Variants in MGAT4C observed in about 807,000 individuals in gnomAD.
MGAT4C encodes the protein MGAT4 family member C.
MGAT4C carries 19 observed loss-of-function variants against 40.1 expected under a neutral mutation model. The observed-to-expected ratio is 0.47, with a 90% confidence interval of 0.33 to 0.70. The LOEUF (loss-of-function observed/expected upper bound fraction) is 0.70, where lower values mean the gene tolerates loss of function less well. Ranked by LOEUF, MGAT4C falls within the 30% of genes least tolerant of loss-of-function variation. The pLI, the probability that MGAT4C is intolerant of heterozygous loss-of-function variation, is 0.02. For missense variants in MGAT4C, 491 were observed against 563.2 expected (o/e 0.87, Z 1.30); for synonymous variants, 181 against 187.1 (o/e 0.97, Z 0.27).
At chr12:86,638,838 A>C (rs1182454554) in intron 2 of MGAT4C, among the ~76,000 whole-genome samples, 1 of 151,734 alleles carries the variant, frequency 6.6e-6, no homozygotes, top group Non-Finnish European at 1.5e-5. Flanking sequence ...CCCATTATCC[A>C]TTTTATTTCT....
intron 4 of MGAT4C, among the ~76,000 whole-genome samples, chr12:86,283,674 G>T (rs1953277070): frequency 6.6e-6 from 1 of 152,044 alleles, no homozygotes; most frequent in South Asian, 2.1e-4. Flanking sequence ...ATTGTTTTTA[G>T]ATTTTCAAAG....
intron 4 of MGAT4C, among the ~76,000 whole-genome samples, chr12:86,282,063 T>TA (rs1953231793): frequency 6.6e-6 from 1 of 152,146 alleles, no homozygotes; most frequent in African/African-American, 2.4e-5. Context: ...CATGGGGGCT[T>TA]TTTAAATTTT....
chr12:86,390,106 A>C (rs1306065059), intron 3 of MGAT4C, among the ~76,000 whole-genome samples: 1 of 152,206 alleles, frequency 6.6e-6, no homozygotes, highest in Non-Finnish European at 1.5e-5. Context: ...AGGATTCCAG[A>C]AACAAGCCCG....
intron 3 of MGAT4C, among the ~76,000 whole-genome samples, chr12:86,371,452 G>T (rs1200884890): frequency 1.3e-5 from 2 of 151,968 alleles, no homozygotes; most frequent in Non-Finnish European, 2.9e-5. Flanking sequence ...CAATGAAAGT[G>T]TTCAGCAATT....
At chr12:86,621,344 G>A (rs529518743) in intron 2 of MGAT4C, among the ~76,000 whole-genome samples, 36 of 152,266 alleles carry the variant, frequency 2.4e-4, no homozygotes, top group African/African-American at 8.4e-4. Context: ...TGAAACAAAA[G>A]GCTGCACAGG....
intron 1 of MGAT4C, among the ~76,000 whole-genome samples, chr12:86,172,216 T>C (rs1886925785): frequency 6.6e-6 from 1 of 152,172 alleles, no homozygotes; most frequent in Admixed American, 6.6e-5. Flanking sequence ...ATAATAATTA[T>C]TATTTTACTC....
chr12:86,216,721 T>A (rs839106), intron 1 of MGAT4C, among the ~76,000 whole-genome samples: 2 of 152,140 alleles, frequency 1.3e-5, no homozygotes, highest in Admixed American at 6.5e-5. Context: ...AAAACTAACC[T>A]GAATACTTTT....
intron 1 of MGAT4C, among the ~76,000 whole-genome samples, chr12:86,165,505 A>G (rs926174617): frequency 1.3e-5 from 2 of 152,158 alleles, no homozygotes; most frequent in Admixed American, 6.5e-5. Flanking sequence ...ATTTGTTCAT[A>G]TGTTCACAAA....
chr12:86,748,357 C>T (rs562367835), intron 1 of MGAT4C, among the ~76,000 whole-genome samples: 5 of 151,798 alleles, frequency 3.3e-5, no homozygotes, highest in Non-Finnish European at 5.9e-5. Context: ...ATTATAGAAA[C>T]TGGAAGCCTG....
At chr12:86,034,572 G>GT (rs34885099) in intron 2 of MGAT4C, among the ~76,000 whole-genome samples, 19,971 of 101,660 alleles carry the variant, frequency 0.2, 2,368 homozygotes, top group East Asian at 0.33. Flanking sequence ...TTTTGTTGTT[G>GT]TTTTTTTTAA....
chr12:86,413,989 T>C (rs1174683193), intron 3 of MGAT4C, among the ~76,000 whole-genome samples: 1 of 152,100 alleles, frequency 6.6e-6, no homozygotes, highest in Non-Finnish European at 1.5e-5. Flanking sequence ...ACATAACATA[T>C]AGTTAAAACC....
chr12:86,703,351 C>A (rs1950397056), intron 2 of MGAT4C, among the ~76,000 whole-genome samples: 1 of 152,142 alleles, frequency 6.6e-6, no homozygotes, highest in East Asian at 1.9e-4. Flanking sequence ...AACATCATCA[C>A]ATGCTATAGA....
chr12:86,156,703 C>T (rs1884979996), intron 1 of MGAT4C, among the ~76,000 whole-genome samples: 1 of 152,144 alleles, frequency 6.6e-6, no homozygotes. Context: ...TATCATTTCA[C>T]TATTTGTTTA....
chr12:86,075,422 G>C (rs144514725), intron 1 of MGAT4C, among the ~76,000 whole-genome samples: 311 of 152,256 alleles, frequency 2.0e-3, no homozygotes, highest in Non-Finnish European at 3.4e-3. Flanking sequence ...TTCCCAGGCT[G>C]GCATTGAATG....
At chr12:86,554,943 C>T (rs1307022992) in intron 2 of MGAT4C, among the ~76,000 whole-genome samples, 3 of 151,988 alleles carry the variant, frequency 2.0e-5, no homozygotes, top group African/African-American at 7.2e-5. Context: ...GGAGGTAACC[C>T]GAATTCCTTA....
chr12:86,123,632 A>G (rs1459570376), intron 1 of MGAT4C, among the ~76,000 whole-genome samples: 1 of 152,078 alleles, frequency 6.6e-6, no homozygotes, highest in Non-Finnish European at 1.5e-5. Flanking sequence ...TGAATTATCT[A>G]ATTGGATGTT....
At chr12:86,767,288 A>C (rs144417383) in intron 1 of MGAT4C, among the ~76,000 whole-genome samples, 1 of 152,210 alleles carries the variant, frequency 6.6e-6, no homozygotes, top group African/African-American at 2.4e-5. Context: ...ATTCCTCGAC[A>C]CATAAACCCT....
chr12:86,210,862 T>C (rs1013324060), intron 1 of MGAT4C, among the ~76,000 whole-genome samples: 1 of 152,108 alleles, frequency 6.6e-6, no homozygotes, highest in Non-Finnish European at 1.5e-5. Context: ...GACAGATAGT[T>C]GATAACAGAT....
chr12:85,979,072 C>A lies in MGAT4C; in HGVS notation c.*217G>T. 1 of 348,538 alleles carries A rather than the reference C, an allele frequency of 2.9e-6. No individual in the cohort carries two copies. Among genetic ancestry groups the A allele is most frequent in the East Asian group, 4.3e-5 (1 of 23,432 alleles). 21.6% of individuals were successfully genotyped at this position (348,538 alleles called of 1,614,324 possible). ...CATTTAAAAATATAAATGAAAGTAG[C>A]ATTAGCTATAGACTGATATTCAACT... On this transcript the variant is annotated 3_prime_UTR_variant, in exon 5 of 5. Coordinates refer to ENST00000611864, the MANE Select transcript of MGAT4C (RefSeq NM_001351288.2).
Sources: gnomAD v4.1 joint callset for allele counts (sites outside exome capture counted in the v4.1 genomes callset) on GRCh38, gnomAD v4.1.1 for gene constraint, MANE v1.5 for transcripts, NCBI Gene and HGNC (gene_info 2026-07-23, HGNC 2026-07-21) for gene names.